The following XYLT1 variants were observed in gnomAD, a reference collection of about 807,000 sequenced individuals.
The protein encoded by XYLT1 is beta-D-xylosyltransferase 1.
XYLT1 carries 36 observed loss-of-function variants against 91.3 expected under a neutral mutation model. The ratio of observed to expected loss-of-function variants is 0.39; its 90% CI spans 0.30 to 0.52. XYLT1 has a LOEUF of 0.52. XYLT1 is among the 20% of genes least tolerant of loss of function. XYLT1 has a pLI of 0.68. For missense variants in XYLT1, 1,242 were observed against 1,284.5 expected (o/e 0.97, Z 0.51); for synonymous variants, 588 against 532.0 (o/e 1.11, Z -1.45).
At chr16:17,177,228 C>G (rs1475717205) in intron 5 of XYLT1, among the ~76,000 whole-genome samples, 1 of 152,134 alleles carries the variant, frequency 6.6e-6, no homozygotes, top group Non-Finnish European at 1.5e-5. Context: ...GGCACTCCAG[C>G]CTGCTGCCCA....
chr16:17,377,657 G>A (rs2035620417), intron 1 of XYLT1, among the ~76,000 whole-genome samples: 1 of 151,794 alleles, frequency 6.6e-6, no homozygotes, highest in African/African-American at 2.4e-5. Flanking sequence ...TCTCATAAAC[G>A]CTCTGTTCCA....
intron 2 of XYLT1, among the ~76,000 whole-genome samples, chr16:17,266,455 C>T (rs1015149701): frequency 6.6e-6 from 1 of 152,158 alleles, no homozygotes; most frequent in Non-Finnish European, 1.5e-5. Flanking sequence ...TATTTTCTAC[C>T]CATTTTTCAG....
chr16:17,130,155 C>A (rs1354468742), intron 9 of XYLT1, among the ~76,000 whole-genome samples: 1 of 152,250 alleles, frequency 6.6e-6, no homozygotes, highest in East Asian at 1.9e-4. Flanking sequence ...GGCAACTATT[C>A]CCAGCCAAGG....
chr16:17,261,047 A>G (rs574224441), intron 2 of XYLT1, among the ~76,000 whole-genome samples: 1 of 152,250 alleles, frequency 6.6e-6, no homozygotes, highest in East Asian at 1.9e-4. Context: ...CAGCCTGGTC[A>G]ACATGGCAAA....
chr16:17,184,587 A>T (rs1032481598), intron 5 of XYLT1, among the ~76,000 whole-genome samples: 1 of 152,176 alleles, frequency 6.6e-6, no homozygotes, highest in Non-Finnish European at 1.5e-5. Flanking sequence ...TTAGTTCCTC[A>T]GTCCCACAAG....
chr16:17,187,883 GC>G (rs952727016), intron 5 of XYLT1, among the ~76,000 whole-genome samples: 1 of 151,886 alleles, frequency 6.6e-6, no homozygotes, highest in Non-Finnish European at 1.5e-5. Context: ...CTCTGGCTGC[GC>G]CCCTGTTGGC....
intron 11 of XYLT1, among the ~76,000 whole-genome samples, chr16:17,114,186 G>A (rs74529606): frequency 0.069 from 10,499 of 152,328 alleles, 514 homozygotes; most frequent in South Asian, 0.11. Flanking sequence ...CTGTTTATCT[G>A]CATCCTTTAA....
At chr16:17,304,646 CA>C (rs1485432474) in intron 2 of XYLT1, among the ~76,000 whole-genome samples, 1 of 152,074 alleles carries the variant, frequency 6.6e-6, no homozygotes, top group African/African-American at 2.4e-5. Context: ...GGTAAATCCA[CA>C]GTTAAGATTT....
chr16:17,162,902 G>A (rs913508707), intron 5 of XYLT1, among the ~76,000 whole-genome samples: 1 of 152,136 alleles, frequency 6.6e-6, no homozygotes, highest in East Asian at 1.9e-4. Flanking sequence ...TGGAGAACCC[G>A]GACTATGAAT....
At chr16:17,117,607 AAGG>A in intron 11 of XYLT1, 36 bp downstream of exon 11, 1 of 1,580,766 alleles carries the variant, frequency 6.3e-7, no homozygotes, top group Non-Finnish European at 8.6e-7. Flanking sequence ...GTCCCCAGGG[AAGG>A]AGTATTTCTC....
At chr16:17,138,296 G>A (rs894426971) in intron 8 of XYLT1, 59 bp downstream of exon 8, 32 of 1,580,758 alleles carry the variant, frequency 2.0e-5, no homozygotes, top group Admixed American at 1.2e-4. Flanking sequence ...TTGGATTTCT[G>A]CAGAGGTTTG....
intron 1 of XYLT1, among the ~76,000 whole-genome samples, chr16:17,389,753 G>A (rs1452572016): frequency 3.3e-5 from 5 of 152,240 alleles, no homozygotes; most frequent in Non-Finnish European, 5.9e-5. Context: ...ATCAAAGGGT[G>A]TAGGCTTCAA....
chr16:17,237,772 C>T (rs904345299), intron 3 of XYLT1, among the ~76,000 whole-genome samples: 1 of 152,168 alleles, frequency 6.6e-6, no homozygotes, highest in African/African-American at 2.4e-5. Flanking sequence ...GGGTTCCTCT[C>T]GGGTCACTTG....
At chr16:17,234,992 A>G (rs931247609) in intron 3 of XYLT1, among the ~76,000 whole-genome samples, 2 of 152,134 alleles carry the variant, frequency 1.3e-5, no homozygotes, top group Non-Finnish European at 2.9e-5. Context: ...CATTTTTATT[A>G]ATTTGGTGTC....
At chr16:17,198,475 C>T in intron 4 of XYLT1, 61 bp from the exon 5 acceptor site, 1 of 1,523,462 alleles carries the variant, frequency 6.6e-7, no homozygotes, top group African/African-American at 1.4e-5. Flanking sequence ...CAGGCATGCC[C>T]CTCACCCCTG....
intron 1 of XYLT1, among the ~76,000 whole-genome samples, chr16:17,364,085 G>C (rs1161411216): frequency 6.6e-6 from 1 of 152,168 alleles, no homozygotes; most frequent in East Asian, 1.9e-4. Flanking sequence ...CACATTTTGA[G>C]GTATTGGGGG....
chr16:17,306,635 A>C (rs1210701539), intron 2 of XYLT1, among the ~76,000 whole-genome samples: 1 of 152,074 alleles, frequency 6.6e-6, no homozygotes, highest in African/African-American at 2.4e-5. Context: ...CACTTTATGC[A>C]GCAGACAGAC....
chr16:17,173,055 A>AAAC (rs750914211), intron 5 of XYLT1, among the ~76,000 whole-genome samples: 2 of 135,706 alleles, frequency 1.5e-5, no homozygotes, highest in Non-Finnish European at 3.3e-5. Context: ...ACAAACAAAC[A>AAAC]AAAAAAACCA....
At position 17,277,124 on chromosome 16, in the gene XYLT1, G is replaced by A. The variant is rs180854015; in HGVS notation, c.403-17626C>T. Among the ~76,000 whole-genome samples, 14 of 152,326 alleles carry A rather than the reference G, an allele frequency of 9.2e-5. No individual in the cohort carries two copies. In the East Asian group the frequency reaches 2.7e-3, roughly 29 times the overall value. On this transcript the variant is annotated intron_variant, in intron 2 of 11. Coordinates refer to ENST00000261381, the MANE Select transcript of XYLT1 (RefSeq NM_022166.4). ...GCTTATATTTTAATAGCATGAGACAGACAACCATCCTACCAACAACTCAAT... is the reference window on the plus strand; with the variant it reads ...GCTTATATTTTAATAGCATGAGACAAACAACCATCCTACCAACAACTCAAT...
Sources: gnomAD v4.1 joint callset for allele counts (sites outside exome capture counted in the v4.1 genomes callset) on GRCh38, gnomAD v4.1.1 for gene constraint, MANE v1.5 for transcripts, NCBI Gene and HGNC (gene_info 2026-07-23, HGNC 2026-07-21) for gene names.